RBMS3: variants seen among roughly 807,000 people sequenced by gnomAD.
RBMS3 encodes RNA binding motif single stranded interacting protein 3, also known as RNA-binding motif, single-stranded-interacting protein 3.
RBMS3 carries 27 observed loss-of-function variants against 66.8 expected under a neutral mutation model. That is an observed-to-expected ratio of 0.40 (90% CI 0.30 to 0.56). The LOEUF is 0.56. RBMS3 is among the 20% of genes least tolerant of loss of function. RBMS3 has a pLI of 0.40. For missense variants in RBMS3, 513 were observed against 549.5 expected (o/e 0.93, Z 0.66); for synonymous variants, 188 against 183.0 (o/e 1.03, Z -0.22).
intron 2 of RBMS3, among the ~76,000 whole-genome samples, chr3:29,444,787 C>CCTTTTTTTT: frequency 3.7e-5 from 1 of 27,070 alleles, no homozygotes; most frequent in East Asian, 1.6e-3. Context: ...GAAATATATG[C>CCTTTTTTTT]CTTTTTTTTT....
intron 4 of RBMS3, among the ~76,000 whole-genome samples, chr3:29,624,015 A>T (rs924084755): frequency 6.6e-6 from 1 of 152,222 alleles, no homozygotes; most frequent in Admixed American, 6.5e-5. Flanking sequence ...ATATATGCCT[A>T]TAATAATGTT....
At chr3:29,792,541 CAGAAT>C (rs2057048565) in intron 6 of RBMS3, among the ~76,000 whole-genome samples, 1 of 152,118 alleles carries the variant, frequency 6.6e-6, no homozygotes, top group Non-Finnish European at 1.5e-5. Flanking sequence ...CTATCTAGAT[CAGAAT>C]CCCACCTGTA....
chr3:29,336,567 G>T (rs1042572981), intron 1 of RBMS3, among the ~76,000 whole-genome samples: 7 of 152,112 alleles, frequency 4.6e-5, no homozygotes, highest in African/African-American at 1.7e-4. Flanking sequence ...TTATAGGAAA[G>T]CTGGGCCCCT....
intron 4 of RBMS3, among the ~76,000 whole-genome samples, chr3:29,656,179 A>G (rs2050321085): frequency 6.6e-6 from 1 of 152,190 alleles, no homozygotes; most frequent in African/African-American, 2.4e-5. Flanking sequence ...TAGCCTAAGT[A>G]TACAGTAGTC....
chr3:29,936,723 G>A (rs2061273998), intron 11 of RBMS3, among the ~76,000 whole-genome samples: 1 of 152,014 alleles, frequency 6.6e-6, no homozygotes, highest in African/African-American at 2.4e-5. Context: ...AACCTAATGT[G>A]CTTGATTTTT....
At chr3:29,304,167 T>C (rs779620710) in intron 1 of RBMS3, among the ~76,000 whole-genome samples, 1 of 151,926 alleles carries the variant, frequency 6.6e-6, no homozygotes, top group Non-Finnish European at 1.5e-5. Flanking sequence ...TCTGTTATAA[T>C]AGAAAAAAAG....
At chr3:29,846,172 T>C (rs1024192234) in intron 6 of RBMS3, among the ~76,000 whole-genome samples, 1 of 152,114 alleles carries the variant, frequency 6.6e-6, no homozygotes, top group Non-Finnish European at 1.5e-5. Context: ...TCTGACTATG[T>C]ATGGAAGAAT....
At chr3:29,308,871 T>C (rs140684350) in intron 1 of RBMS3, among the ~76,000 whole-genome samples, 41 of 151,504 alleles carry the variant, frequency 2.7e-4, no homozygotes, top group Non-Finnish European at 5.9e-4. Context: ...GTAAGGATGC[T>C]GATATATTTT....
intron 4 of RBMS3, among the ~76,000 whole-genome samples, chr3:29,704,831 A>G (rs2052800676): frequency 6.6e-6 from 1 of 152,266 alleles, no homozygotes; most frequent in Admixed American, 6.5e-5. Context: ...CTTTGTTTCA[A>G]CATAAAAGTT....
chr3:29,551,094 A>T (rs1036349395), intron 3 of RBMS3, among the ~76,000 whole-genome samples: 3 of 152,234 alleles, frequency 2.0e-5, no homozygotes, highest in African/African-American at 7.2e-5. Context: ...GTGAGATGCT[A>T]TCGTGGAGAT....
intron 3 of RBMS3, among the ~76,000 whole-genome samples, chr3:29,505,159 G>A (rs973686152): frequency 8.6e-5 from 13 of 151,904 alleles, no homozygotes; most frequent in African/African-American, 3.1e-4. Flanking sequence ...CTTTTCGGCT[G>A]TGTTTTCTTC....
intron 1 of RBMS3, among the ~76,000 whole-genome samples, chr3:29,422,396 CA>C (rs386396246): frequency 5.1e-4 from 67 of 130,764 alleles, no homozygotes; most frequent in Non-Finnish European, 5.6e-4. Flanking sequence ...ATCACCAGCC[CA>C]AAAAAAAAAA....
chr3:29,835,615 A>G (rs925665723), intron 6 of RBMS3, among the ~76,000 whole-genome samples: 17 of 151,946 alleles, frequency 1.1e-4, no homozygotes, highest in Admixed American at 6.6e-4. Context: ...AACACATGGG[A>G]TGCAGCAAAA....
chr3:29,922,493 C>CAAAAAAAAAAAA (rs68121692), intron 10 of RBMS3, among the ~76,000 whole-genome samples: 3 of 99,088 alleles, frequency 3.0e-5, no homozygotes, highest in Admixed American at 1.1e-4. Context: ...GACTCCGTCT[C>CAAAAAAAAAAAA]AAAAAAAAAA....
chr3:29,541,081 G>A (rs770130020), intron 3 of RBMS3, among the ~76,000 whole-genome samples: 9 of 152,258 alleles, frequency 5.9e-5, no homozygotes, highest in Middle Eastern at 3.4e-3. Context: ...TGGCCTAACC[G>A]AATTTACCCT....
At chr3:29,677,841 A>G (rs2051319983) in intron 4 of RBMS3, among the ~76,000 whole-genome samples, 1 of 152,158 alleles carries the variant, frequency 6.6e-6, no homozygotes, top group East Asian at 1.9e-4. Context: ...ATGTAATAGA[A>G]AAAGCACCAG....
intron 4 of RBMS3, among the ~76,000 whole-genome samples, chr3:29,624,611 AT>A (rs927598585): frequency 3.3e-5 from 5 of 152,188 alleles, no homozygotes; most frequent in Non-Finnish European, 7.3e-5. Context: ...GAAAAGAGCA[AT>A]ATAAGAAATT....
rs1016590147 is a variant in RBMS3, at chr3:29,387,010, T to C, written c.76-47733T>C. On this transcript the variant is annotated intron_variant, in intron 1 of 14. Transcript: ENST00000383767. ...AGACAGTCTTCTCTTGTGTCCCTCA[T>C]TGCTTACCGGTTACCCCTTCTCAAT... Among the ~76,000 whole-genome samples the C allele has an allele frequency of 3.9e-5, 6 of 152,214 alleles. 1 individual carries two copies. Among genetic ancestry groups the C allele is most frequent in the African/African-American group, 1.4e-4 (6 of 41,458 alleles).
chr3:29,479,651 A>G (rs1466846285), intron 2 of RBMS3, among the ~76,000 whole-genome samples: 1 of 152,206 alleles, frequency 6.6e-6, no homozygotes, highest in East Asian at 1.9e-4. Context: ...GTTTTGAAGG[A>G]CCTGTATTAT....
Sources: gnomAD v4.1 joint callset for allele counts (sites outside exome capture counted in the v4.1 genomes callset) on GRCh38, gnomAD v4.1.1 for gene constraint, MANE v1.5 for transcripts, NCBI Gene and HGNC (gene_info 2026-07-23, HGNC 2026-07-21) for gene names.